The following KAZN variants were observed in gnomAD, a reference collection of about 807,000 sequenced individuals.
KAZN encodes kazrin, periplakin interacting protein, also known as kazrin.
In KAZN, 40 loss-of-function variants were observed where a neutral mutation model predicts 87.4. The ratio of observed to expected loss-of-function variants is 0.46; its 90% CI spans 0.36 to 0.60. The LOEUF (loss-of-function observed/expected upper bound fraction) is 0.60. KAZN is among the 20% of genes least tolerant of loss of function. The probability of loss-of-function intolerance (pLI) is 0.00; values close to 1 mark genes in which losing one functional copy is unlikely to be tolerated. For missense variants in KAZN, 898 were observed against 1,073.9 expected (o/e 0.84, Z 2.29); for synonymous variants, 466 against 458.3 (o/e 1.02, Z -0.22).
chr1:14,365,832 A>G (rs1251650412), intron 2 of KAZN, among the ~76,000 whole-genome samples: 2 of 152,252 alleles, frequency 1.3e-5, no homozygotes, highest in Non-Finnish European at 2.9e-5. Flanking sequence ...GTGGGACTGC[A>G]GAAGTGGCTA....
intron 1 of KAZN, among the ~76,000 whole-genome samples, chr1:14,943,563 G>C (rs561769834): frequency 1.3e-5 from 2 of 152,196 alleles, no homozygotes; most frequent in African/African-American, 4.8e-5. Context: ...AGTACTTGCC[G>C]TGTGCCCAGC....
chr1:14,077,188 C>T (rs898210151), intron 1 of KAZN, among the ~76,000 whole-genome samples: 1 of 152,092 alleles, frequency 6.6e-6, no homozygotes, highest in Non-Finnish European at 1.5e-5. Flanking sequence ...ATGTGGACTT[C>T]GTTCTTGACA....
chr1:14,340,798 TA>T (rs1367806254), intron 2 of KAZN, among the ~76,000 whole-genome samples: 1 of 152,086 alleles, frequency 6.6e-6, no homozygotes, highest in Admixed American at 6.6e-5. Flanking sequence ...TTGAATCAGT[TA>T]AAACAATTAC....
At chr1:14,136,308 AGCCTCACGGG>A (rs1468342944) in intron 1 of KAZN, among the ~76,000 whole-genome samples, 2 of 152,270 alleles carry the variant, frequency 1.3e-5, no homozygotes, top group East Asian at 3.9e-4. Context: ...TAAACTATTT[AGCCTCACGGG>A]GCCTCAGATG....
chr1:14,841,405 CAAAAAAAAAAAAAAAAAAAAAA>C (rs57248871), intron 1 of KAZN, among the ~76,000 whole-genome samples: 3 of 88,878 alleles, frequency 3.4e-5, no homozygotes, highest in Non-Finnish European at 6.6e-5. Context: ...GACTCCGTCT[CAAAAAAAAAAAAAAAAAAAAAA>C]AAAAAAAAAA....
chr1:14,079,939 G>A (rs1643608263), intron 1 of KAZN, among the ~76,000 whole-genome samples: 1 of 151,932 alleles, frequency 6.6e-6, no homozygotes, highest in Non-Finnish European at 1.5e-5. Context: ...ACATTTGCAG[G>A]GGACAGATAT....
intron 2 of KAZN, among the ~76,000 whole-genome samples, chr1:14,515,753 G>C (rs1671264638): frequency 6.6e-6 from 1 of 152,116 alleles, no homozygotes; most frequent in South Asian, 2.1e-4. Flanking sequence ...TGACCAAAGG[G>C]CTCTCCCTTC....
At chr1:14,210,948 A>C (rs1186988994) in intron 2 of KAZN, among the ~76,000 whole-genome samples, 1 of 152,048 alleles carries the variant, frequency 6.6e-6, no homozygotes, top group African/African-American at 2.4e-5. Flanking sequence ...CTGTACACTC[A>C]TTGGAGAATA....
chr1:14,723,711 T>G (rs1237662558), intron 1 of KAZN, among the ~76,000 whole-genome samples: 2 of 152,216 alleles, frequency 1.3e-5, no homozygotes, highest in African/African-American at 4.8e-5. Context: ...GGGGTGGAAG[T>G]GGGAGTGCAG....
At chr1:14,774,250 G>A (rs1645108140) in intron 1 of KAZN, among the ~76,000 whole-genome samples, 1 of 152,084 alleles carries the variant, frequency 6.6e-6, no homozygotes, top group Admixed American at 6.5e-5. Flanking sequence ...TGTGGACTTG[G>A]CAGGGTCGCC....
chr1:14,384,617 T>A (rs1661696103), intron 2 of KAZN, among the ~76,000 whole-genome samples: 1 of 152,184 alleles, frequency 6.6e-6, no homozygotes, highest in African/African-American at 2.4e-5. Context: ...CTGGATTACA[T>A]TTATTGATTT....
chr1:14,111,632 A>C (rs1644500115), intron 1 of KAZN, among the ~76,000 whole-genome samples: 1 of 133,526 alleles, frequency 7.5e-6, no homozygotes, highest in Admixed American at 7.4e-5. Flanking sequence ...CTGATTCCTC[A>C]CCAGCCCTGT....
intron 1 of KAZN, among the ~76,000 whole-genome samples, chr1:14,881,052 G>C (rs1009701851): frequency 1.1e-4 from 16 of 152,236 alleles, no homozygotes; most frequent in African/African-American, 3.6e-4. Flanking sequence ...CCTCTGTGAA[G>C]TGCTGTGGGC....
chr1:13,979,817 G>A (rs1638569344), intron 1 of KAZN, among the ~76,000 whole-genome samples: 1 of 151,538 alleles, frequency 6.6e-6, no homozygotes, highest in Non-Finnish European at 1.5e-5. Flanking sequence ...TGTAGTCCCA[G>A]CTACTCGGGA....
chr1:14,545,569 G>C (rs897061077), intron 2 of KAZN, among the ~76,000 whole-genome samples: 2 of 152,172 alleles, frequency 1.3e-5, no homozygotes, highest in Non-Finnish European at 2.9e-5. Context: ...GGAGTGTTTA[G>C]TGTATTACCT....
chr1:14,354,682 AC>A (rs1557658559), intron 2 of KAZN, among the ~76,000 whole-genome samples: 2 of 150,662 alleles, frequency 1.3e-5, no homozygotes, highest in African/African-American at 5.0e-5. Flanking sequence ...ACACACACAC[AC>A]ACACAAACAA....
At chr1:14,899,785 G>A (rs1041068442) in intron 1 of KAZN, among the ~76,000 whole-genome samples, 1 of 151,862 alleles carries the variant, frequency 6.6e-6, no homozygotes, top group Non-Finnish European at 1.5e-5. Context: ...TGCCACCTCC[G>A]CTCCCTCGGG....
intron 2 of KAZN, among the ~76,000 whole-genome samples, chr1:15,006,304 T>A (rs1442031175): frequency 2.6e-5 from 4 of 152,174 alleles, no homozygotes; most frequent in Non-Finnish European, 4.4e-5. Context: ...TTGCTAGGCT[T>A]AGGGAAGAGA....
At chr1:14,292,492 C>A (rs1653786652) in intron 2 of KAZN, among the ~76,000 whole-genome samples, 1 of 152,116 alleles carries the variant, frequency 6.6e-6, no homozygotes, top group Non-Finnish European at 1.5e-5. Context: ...TAGGCGGAGT[C>A]CTTGTGGTGG....
Sources: gnomAD v4.1 joint callset for allele counts (sites outside exome capture counted in the v4.1 genomes callset) on GRCh38, gnomAD v4.1.1 for gene constraint, MANE v1.5 for transcripts, NCBI Gene and HGNC (gene_info 2026-07-23, HGNC 2026-07-21) for gene names.